IL1RAPL2: variants seen among roughly 807,000 people sequenced by gnomAD.
The protein encoded by IL1RAPL2 is X-linked interleukin-1 receptor accessory protein-like 2.
A neutral mutation model predicts 44.1 loss-of-function variants in IL1RAPL2; 3 were observed. The observed-to-expected ratio is 0.07, with a 90% confidence interval of 0.03 to 0.18. IL1RAPL2 has a LOEUF of 0.18. Among genes scored for constraint, IL1RAPL2 ranks in the 10% least tolerant of loss-of-function variants. The pLI is 1.00. For missense variants in IL1RAPL2, 391 were observed against 496.4 expected (o/e 0.79, Z 2.02); for synonymous variants, 181 against 178.8 (o/e 1.01, Z -0.10).
chrX:105,116,838 T>C (rs962380338), intron 2 of IL1RAPL2, among the ~76,000 whole-genome samples: 5 of 112,556 alleles, frequency 4.4e-5, no homozygotes, highest in Non-Finnish European at 9.4e-5. Flanking sequence ...GTATTTCCTA[T>C]CTGGAACCCC....
intron 3 of IL1RAPL2, among the ~76,000 whole-genome samples, chrX:105,208,033 T>C (rs1556154118): frequency 9.0e-6 from 1 of 111,573 alleles, no homozygotes; most frequent in African/African-American, 3.3e-5. Flanking sequence ...ATAGTAGAGG[T>C]CTTCCCAGGC....
intron 2 of IL1RAPL2, among the ~76,000 whole-genome samples, chrX:104,690,672 T>G (rs1931076241): frequency 8.9e-6 from 1 of 112,390 alleles, no homozygotes; most frequent in Non-Finnish European, 1.9e-5. Flanking sequence ...AAAATTTCCT[T>G]TTCTTGTTCA....
chrX:105,704,428 G>A (rs960688377), intron 6 of IL1RAPL2, among the ~76,000 whole-genome samples: 2 of 111,375 alleles, frequency 1.8e-5, no homozygotes, highest in African/African-American at 6.5e-5. Context: ...TGCCAGTGGA[G>A]CCTTAACAAG....
chrX:105,355,114 T>C (rs981770782), intron 5 of IL1RAPL2, among the ~76,000 whole-genome samples: 1 of 111,765 alleles, frequency 8.9e-6, no homozygotes, highest in Admixed American at 9.6e-5. Context: ...ATGCAATCCA[T>C]TTTTTACCTA....
At chrX:105,399,577 A>G (rs936014334) in intron 5 of IL1RAPL2, among the ~76,000 whole-genome samples, 3 of 111,309 alleles carry the variant, frequency 2.7e-5, no homozygotes, top group Non-Finnish European at 5.7e-5. Context: ...CCTGACACAA[A>G]GTCTGGCATA....
At chrX:104,626,299 C>CGTGTGT (rs111509844) in intron 1 of IL1RAPL2, among the ~76,000 whole-genome samples, 1,445 of 100,870 alleles carry the variant, frequency 0.014, 19 homozygotes, top group East Asian at 0.04. Context: ...CTGTCTCATG[C>CGTGTGT]GTGTGTGTGT....
At chrX:104,883,207 G>A (rs754282288) in intron 2 of IL1RAPL2, among the ~76,000 whole-genome samples, 1 of 111,391 alleles carries the variant, frequency 9.0e-6, no homozygotes, top group African/African-American at 3.3e-5. Flanking sequence ...GACCCCTTTT[G>A]CTTGCTATTC....
chrX:105,476,963 G>A (rs775336236), intron 5 of IL1RAPL2, among the ~76,000 whole-genome samples: 7 of 111,951 alleles, frequency 6.3e-5, no homozygotes, highest in Non-Finnish European at 1.1e-4. Context: ...GCCTACAATG[G>A]ACTAAAGTCT....
chrX:105,039,233 A>C (rs1248705163), intron 2 of IL1RAPL2, among the ~76,000 whole-genome samples: 1 of 112,138 alleles, frequency 8.9e-6, no homozygotes, highest in African/African-American at 3.2e-5. Flanking sequence ...AGAATAATGA[A>C]GTTAAATTTT....
intron 5 of IL1RAPL2, among the ~76,000 whole-genome samples, chrX:105,354,783 A>G (rs1364098570): frequency 2.7e-5 from 3 of 111,337 alleles, no homozygotes; most frequent in Non-Finnish European, 5.7e-5. Context: ...CTATTACCAT[A>G]CCTCAATGTC....
At chrX:105,623,195 A>G (rs1020589132) in intron 6 of IL1RAPL2, among the ~76,000 whole-genome samples, 3 of 110,461 alleles carry the variant, frequency 2.7e-5, no homozygotes, top group Non-Finnish European at 5.7e-5. Flanking sequence ...ATTTATACAC[A>G]AGAATATTGA....
chrX:105,011,303 T>C, intron 2 of IL1RAPL2, among the ~76,000 whole-genome samples: 2 of 111,840 alleles, frequency 1.8e-5, no homozygotes, highest in Middle Eastern at 4.6e-3. Flanking sequence ...CTCCTTTCAT[T>C]AAAATATCTC....
At chrX:105,127,102 G>C (rs757308500) in intron 2 of IL1RAPL2, among the ~76,000 whole-genome samples, 3 of 111,246 alleles carry the variant, frequency 2.7e-5, no homozygotes, top group Middle Eastern at 4.6e-3. Flanking sequence ...GTTTTTACAT[G>C]TGTGCTATAG....
chrX:105,121,678 A>G (rs1602964817), intron 2 of IL1RAPL2, among the ~76,000 whole-genome samples: 1 of 111,161 alleles, frequency 9.0e-6, no homozygotes, highest in African/African-American at 3.3e-5. Flanking sequence ...GTTTTGTTCT[A>G]AATTCAAGTG....
chrX:105,357,263 C>T (rs2035210431), intron 5 of IL1RAPL2, among the ~76,000 whole-genome samples: 2 of 111,508 alleles, frequency 1.8e-5, no homozygotes, highest in East Asian at 2.8e-4. Context: ...ATACATTTAT[C>T]GTACTTAGAA....
At chrX:105,302,974 A>G (rs951583845) in intron 5 of IL1RAPL2, among the ~76,000 whole-genome samples, 17 of 111,774 alleles carry the variant, frequency 1.5e-4, no homozygotes, top group Non-Finnish European at 3.8e-5. Context: ...TGCCCCTTCC[A>G]TGGGTACTGA....
chrX:104,661,982 C>T (rs1930409935), intron 2 of IL1RAPL2, among the ~76,000 whole-genome samples: 1 of 112,225 alleles, frequency 8.9e-6, no homozygotes, highest in Non-Finnish European at 1.9e-5. Context: ...ACACAAATCC[C>T]TTTCACTGAG....
At position 105,569,886 on chromosome X, in the gene IL1RAPL2, A is replaced by G. The variant is rs1482465883; in HGVS notation, c.772+85499A>G. ...CCATTTTTGCACAGCCACATTAGTA[A>G]TACTTTGTGACCACTCTCAGACTGA... On this transcript the variant is annotated intron_variant, in intron 6 of 10. Coordinates refer to ENST00000372582, the MANE Select transcript of IL1RAPL2 (RefSeq NM_017416.2). 3.6e-5 allele frequency among the ~76,000 whole-genome samples: 4 copies of G among 111,566 alleles called. No individual in the cohort carries two copies. The East Asian group carries it at 1.1e-3, about 31-fold the overall frequency.
chrX:104,647,542 A>G (rs748347478), intron 1 of IL1RAPL2: 1 of 515,995 alleles, frequency 1.9e-6, no homozygotes, highest in African/African-American at 2.3e-5. Flanking sequence ...ACTCCGTAAG[A>G]TTGTCACTCA....
Sources: allele counts gnomAD v4.1 joint callset (sites outside exome capture counted in the v4.1 genomes callset), GRCh38; gene constraint gnomAD v4.1.1; transcripts MANE v1.5; gene names NCBI Gene and HGNC (gene_info 2026-07-23, HGNC 2026-07-21).